The following TBC1D32 variants were observed in gnomAD, a reference collection of about 807,000 sequenced individuals.
The protein encoded by TBC1D32 is TBC1 domain family member 32, also known as protein broad-minded.
TBC1D32 carries 151 observed loss-of-function variants against 170.3 expected under a neutral mutation model. That is an observed-to-expected ratio of 0.89 (90% CI 0.78 to 1.01). TBC1D32 has a LOEUF of 1.01. Ranked by LOEUF, TBC1D32 falls within the 50% of genes least tolerant of loss-of-function variation. TBC1D32 has a pLI of 0.00. For synonymous variants in TBC1D32, 498 were observed against 488.0 expected, an observed-to-expected ratio of 1.02 and a Z score of -0.27; for missense variants, 1,464 against 1,457.1, an observed-to-expected ratio of 1.00 and a Z score of -0.08.
At chr6:121,086,433 T>TTTATC in intron 31 of TBC1D32, among the ~76,000 whole-genome samples, 1 of 152,224 alleles carries the variant, frequency 6.6e-6, no homozygotes, top group South Asian at 2.1e-4. Context: ...TATGTATACT[T>TTTATC]TTATCTTATA....
chr6:121,153,346 G>A (rs1784446679), intron 24 of TBC1D32, among the ~76,000 whole-genome samples: 1 of 152,180 alleles, frequency 6.6e-6, no homozygotes, highest in Admixed American at 6.5e-5. Flanking sequence ...AAAGATTGCT[G>A]CCTGTTCCTT....
At chr6:121,271,044 T>C (rs1169257345) in intron 15 of TBC1D32, among the ~76,000 whole-genome samples, 1 of 152,114 alleles carries the variant, frequency 6.6e-6, no homozygotes, top group African/African-American at 2.4e-5. Context: ...AGAAAAGGCC[T>C]TCAATAAAAA....
intron 15 of TBC1D32, among the ~76,000 whole-genome samples, chr6:121,273,589 A>T (rs1006032403): frequency 1.3e-5 from 2 of 152,068 alleles, no homozygotes; most frequent in African/African-American, 4.8e-5. Context: ...ATACATATGT[A>T]AAAAACCTGC....
intron 15 of TBC1D32, among the ~76,000 whole-genome samples, chr6:121,273,896 A>G (rs1801846218): frequency 6.6e-6 from 1 of 152,138 alleles, no homozygotes; most frequent in Admixed American, 6.5e-5. Context: ...TTTTCTGTGC[A>G]TCATTTTCCT....
chr6:121,316,668 C>T (rs941405705), intron 3 of TBC1D32, among the ~76,000 whole-genome samples: 1 of 152,162 alleles, frequency 6.6e-6, no homozygotes, highest in African/African-American at 2.4e-5. Context: ...TCCACTATTT[C>T]CAAAACCAAT....
At chr6:121,092,169 C>T (rs187275713) in intron 30 of TBC1D32, among the ~76,000 whole-genome samples, 1 of 151,880 alleles carries the variant, frequency 6.6e-6, no homozygotes, top group Non-Finnish European at 1.5e-5. Context: ...TACTTTGTTA[C>T]TATAGTCATA....
At chr6:121,192,082 A>ATATATATATC (rs57260767) in intron 22 of TBC1D32, among the ~76,000 whole-genome samples, 6,016 of 133,578 alleles carry the variant, frequency 0.045, 302 homozygotes, top group African/African-American at 0.066. Flanking sequence ...ATATATATAT[A>ATATATATATC]TCCTATTAGT....
chr6:121,170,492 A>T (rs1786820827), intron 22 of TBC1D32: 2 of 1,606,790 alleles, frequency 1.2e-6, no homozygotes, highest in Non-Finnish European at 1.7e-6. Flanking sequence ...TAACAGGAGA[A>T]GAGTGTCCAG....
intron 18 of TBC1D32, among the ~76,000 whole-genome samples, chr6:121,241,834 T>C (rs1458719059): frequency 1.3e-5 from 2 of 152,190 alleles, no homozygotes; most frequent in African/African-American, 4.8e-5. Flanking sequence ...TATTTTTGTT[T>C]CCTTTAAAAT....
At chr6:121,226,193 G>A (rs1795036315) in intron 20 of TBC1D32, among the ~76,000 whole-genome samples, 1 of 152,066 alleles carries the variant, frequency 6.6e-6, no homozygotes, top group South Asian at 2.1e-4. Context: ...GATAAAAATA[G>A]GAATAAAGGC....
At chr6:121,305,295 T>C (rs1807165281) in intron 5 of TBC1D32, among the ~76,000 whole-genome samples, 1 of 152,110 alleles carries the variant, frequency 6.6e-6, no homozygotes, top group South Asian at 2.1e-4. Context: ...AAAATTACTC[T>C]ATGTTTAAAT....
chr6:121,202,847 A>G (rs1452156679), intron 22 of TBC1D32, among the ~76,000 whole-genome samples: 1 of 151,404 alleles, frequency 6.6e-6, no homozygotes, highest in Non-Finnish European at 1.5e-5. Flanking sequence ...TCAGAACTTT[A>G]AACAGAATGT....
In TBC1D32 at chr6:121,179,526, T is replaced by C. The variant is rs143117073; in HGVS notation, c.2571-18470A>G. On this transcript the variant is annotated intron_variant, in intron 22 of 31. Coordinates refer to ENST00000398212, the MANE Select transcript of TBC1D32 (RefSeq NM_152730.6). Reference sequence around the variant, plus strand: ...ATATTACAGATGATAATACACAATATAAAAAGGACAGGATCTATATGAAGA... The same window carrying C: ...ATATTACAGATGATAATACACAATACAAAAAGGACAGGATCTATATGAAGA... 1.9e-4 allele frequency among the ~76,000 whole-genome samples: 29 copies of C among 151,726 alleles called. 1 individual carries two copies. The highest frequency in any genetic ancestry group is 4.6e-4 in the Admixed American group (7 of 15,224).
intron 17 of TBC1D32, among the ~76,000 whole-genome samples, chr6:121,245,571 C>G (rs1026550829): frequency 6.6e-6 from 1 of 152,152 alleles, no homozygotes; most frequent in African/African-American, 2.4e-5. Flanking sequence ...GGCAGACAGC[C>G]TCTGTGATAA....
intron 15 of TBC1D32, among the ~76,000 whole-genome samples, chr6:121,261,245 T>C (rs1799726767): frequency 6.6e-6 from 1 of 152,088 alleles, no homozygotes; most frequent in Admixed American, 6.5e-5. Flanking sequence ...GAAGAGTTGG[T>C]TTCCCCCCAG....
chr6:121,132,405 GAGA>G (rs1781534132), intron 24 of TBC1D32, among the ~76,000 whole-genome samples: 1 of 151,960 alleles, frequency 6.6e-6, no homozygotes, highest in African/African-American at 2.4e-5. Flanking sequence ...CTTCAAGGAT[GAGA>G]AGTTGAGACC....
intron 26 of TBC1D32, among the ~76,000 whole-genome samples, chr6:121,116,557 A>G (rs1432561546): frequency 6.6e-6 from 1 of 152,200 alleles, no homozygotes; most frequent in Non-Finnish European, 1.5e-5. Flanking sequence ...TCTGGAAAGT[A>G]TGATATAGAT....
chr6:121,278,991 T>A, intron 15 of TBC1D32, 130 bp downstream of exon 15: 1 of 987,708 alleles, frequency 1.0e-6, no homozygotes, highest in Non-Finnish European at 1.4e-6. Context: ...GACGTCAAGT[T>A]CTACTCTGGC....
chr6:121,090,325 C>G (rs1413969605), intron 31 of TBC1D32, among the ~76,000 whole-genome samples: 1 of 152,140 alleles, frequency 6.6e-6, no homozygotes, highest in East Asian at 1.9e-4. Flanking sequence ...TTTCTAAAGT[C>G]CCCAACTTCC....
Sources: gnomAD v4.1 joint callset for allele counts (sites outside exome capture counted in the v4.1 genomes callset) on GRCh38, gnomAD v4.1.1 for gene constraint, MANE v1.5 for transcripts, NCBI Gene and HGNC (gene_info 2026-07-23, HGNC 2026-07-21) for gene names.